The following DCBLD2 variants were observed in gnomAD, a reference collection of about 807,000 sequenced individuals.
DCBLD2 encodes the protein discoidin, CUB and LCCL domain containing 2.
DCBLD2 carries 54 observed loss-of-function variants against 86.8 expected under a neutral mutation model. The observed-to-expected ratio is 0.62, with a 90% CI of 0.50 to 0.78. The LOEUF (loss-of-function observed/expected upper bound fraction) is 0.78, where lower values mean the gene tolerates loss of function less well. DCBLD2 is among the 30% of genes least tolerant of loss of function. The probability of loss-of-function intolerance (pLI) is 0.00; values close to 1 mark genes in which losing one functional copy is unlikely to be tolerated. For missense variants in DCBLD2, 908 were observed against 954.2 expected (o/e 0.95, Z 0.64); for synonymous variants, 354 against 341.3 (o/e 1.04, Z -0.41).
intron 2 of DCBLD2, among the ~76,000 whole-genome samples, chr3:98,868,451 TTTA>T (rs1943199515): frequency 1.3e-5 from 2 of 152,258 alleles, no homozygotes; most frequent in South Asian, 4.1e-4. Context: ...CATGTTGAAA[TTTA>T]TTTATATATT....
intron 2 of DCBLD2, among the ~76,000 whole-genome samples, chr3:98,879,075 T>G (rs1438498255): frequency 6.6e-6 from 1 of 152,146 alleles, no homozygotes; most frequent in Non-Finnish European, 1.5e-5. Context: ...CACTATGTAT[T>G]ATCTAAATAT....
chr3:98,800,666 C>T lies in DCBLD2; in HGVS notation c.1771G>A (p.Glu591Lys). The change falls in exon 15 of 16, where the codon GAG becomes AAG. Residue 591 changes from glutamate (E) to lysine (K), a missense_variant. Glu to Lys is a moderately conservative substitution (Grantham distance 56). This residue lies in a region of DCBLD2 where 606 missense variants were observed against 678.5 expected (regional missense o/e 0.89). Coordinates refer to ENST00000326840, the MANE Select transcript of DCBLD2 (RefSeq NM_080927.4). Reference sequence around the variant, plus strand: ...CTGCTATAGCGAACTGGGGTTTCCTCATGGTCCACTGCTTTTGCAGGAAGA... The same window carrying T: ...CTGCTATAGCGAACTGGGGTTTCCTTATGGTCCACTGCTTTTGCAGGAAGA... Reference protein sequence around the residue: ...QFLPAKAVDHEETPVRYSSSE... With the variant: ...QFLPAKAVDHKETPVRYSSSE... 1.9e-6 allele frequency: 3 copies of T among 1,613,946 alleles called. No homozygotes were observed. The highest frequency in any genetic ancestry group is 1.7e-6 in the Non-Finnish European group (2 of 1,179,868).
At chr3:98,862,714 C>T (rs1008755184) in intron 2 of DCBLD2, among the ~76,000 whole-genome samples, 30 of 152,152 alleles carry the variant, frequency 2.0e-4, no homozygotes, top group African/African-American at 6.5e-4. Context: ...ATTGATGAGA[C>T]GTGTCTCAAA....
At chr3:98,881,254 CAAAAAAAAAAACA>C (rs1163223580) in intron 2 of DCBLD2, among the ~76,000 whole-genome samples, 3 of 59,786 alleles carry the variant, frequency 5.0e-5, no homozygotes, top group Admixed American at 1.8e-4. Context: ...GACTCTGTCT[CAAAAAAAAAAACA>C]AAAAAAAAAA....
chr3:98,839,171 C>CTTTTT (rs1339367166), intron 3 of DCBLD2, among the ~76,000 whole-genome samples: 1 of 48,282 alleles, frequency 2.1e-5, no homozygotes, highest in Non-Finnish European at 4.2e-5. Context: ...TTCTTTCTTT[C>CTTTTT]CTTTCTTTCT....
At chr3:98,901,068 A>T in intron 1 of DCBLD2, 54 bp downstream of exon 1, 1 of 1,535,022 alleles carries the variant, frequency 6.5e-7, no homozygotes. Flanking sequence ...GGGCCAAGAG[A>T]CCCGCAGCCC....
At chr3:98,832,729 A>AT (rs986852851) in intron 3 of DCBLD2, among the ~76,000 whole-genome samples, 2 of 151,956 alleles carry the variant, frequency 1.3e-5, no homozygotes, top group African/African-American at 2.4e-5. Context: ...ATTCTTGAAG[A>AT]TTTTTTTCCT....
Position 98,822,531 on chromosome 3 carries a change from A to C in DCBLD2, c.696+138T>G. On this transcript the variant is annotated intron_variant, in intron 5 of 15. Transcript: ENST00000326840. ...ACAACAGTTTTAGCAGAAGAAAAAGAATAAAACACATATGATTAAAAAATG... is the reference window on the plus strand; with the variant it reads ...ACAACAGTTTTAGCAGAAGAAAAAGCATAAAACACATATGATTAAAAAATG... 4 of 1,240,368 alleles carry C rather than the reference A, an allele frequency of 3.2e-6. No individual in the cohort carries two copies. In the South Asian group the frequency reaches 6.6e-5, roughly 21 times the overall value. 76.8% of individuals were successfully genotyped at this position (1,240,368 alleles called of 1,614,324 possible). A position where few individuals can be genotyped will look rare whatever the true frequency, so the allele number is the denominator to read the frequency against.
rs537660506 is a variant in DCBLD2, at chr3:98,867,236, C to T, written c.433+14304G>A. On this transcript the variant is annotated intron_variant, in intron 2 of 15. Transcript: ENST00000326840. ...AACTTTAAAGTAGTTTTTTCCAATT[C>T]TGTGAAGAAAGTCATTGGTAGCTTG... Among the ~76,000 whole-genome samples, 11 of 152,324 alleles carry T rather than the reference C, an allele frequency of 7.2e-5. No homozygotes were observed. The South Asian group carries it at 1.2e-3, about 17-fold the overall frequency.
At chr3:98,838,005 G>C (rs868062704) in intron 3 of DCBLD2, among the ~76,000 whole-genome samples, 16 of 68,874 alleles carry the variant, frequency 2.3e-4, no homozygotes, top group African/African-American at 7.3e-4. Flanking sequence ...GGGCAGAGGC[G>C]CCCCTCACCT....
chr3:98,840,780 C>G lies in DCBLD2; in HGVS notation c.571+8681G>C, dbSNP rs75795117. On this transcript the variant is annotated intron_variant, in intron 3 of 15. Transcript: ENST00000326840. ...CTGTTGAGAAGACATATGTGAGCCC[C>G]CATGCCTGTTATTTGCTACGTTTTA... Among the ~76,000 whole-genome samples the G allele has an allele frequency of 9.9e-4, 151 of 152,302 alleles. 1 individual carries two copies. In the East Asian group the frequency reaches 0.016, roughly 17 times the overall value.
rs536110933 is a variant in DCBLD2, at chr3:98,801,471, T to A, written c.1720+129A>T. The A allele has an allele frequency of 4.6e-4, 272 of 585,120 alleles. 3 individuals are homozygous for A. Among genetic ancestry groups the A allele is most frequent in the African/African-American group, 4.6e-3 (245 of 53,466 alleles). 36.2% of individuals were successfully genotyped at this position (585,120 alleles called of 1,614,324 possible). Reference sequence around the variant, plus strand: ...GGTAAAAATGGTGAGAACTGAAGAGTAATGCCATTGTTCTAACAGTGTCGG... The same window carrying A: ...GGTAAAAATGGTGAGAACTGAAGAGAAATGCCATTGTTCTAACAGTGTCGG... On this transcript the variant is annotated intron_variant, in intron 14 of 15. Transcript: ENST00000326840.
At position 98,808,175 on chromosome 3, in the gene DCBLD2, C is replaced by T; in HGVS notation, c.1577-1G>A. Reference sequence around the variant, plus strand: ...ACAAGAACTGCAGCCAGCGCTACATCTGAAGTTACAAAGACAAAAACAGAC... The same window carrying T: ...ACAAGAACTGCAGCCAGCGCTACATTTGAAGTTACAAAGACAAAAACAGAC... On this transcript the variant is annotated splice_acceptor_variant, in intron 12 of 15. Coordinates refer to ENST00000326840, the MANE Select transcript of DCBLD2 (RefSeq NM_080927.4). LOFTEE classifies it high-confidence loss of function. 1 of 1,593,476 alleles carries T rather than the reference C, an allele frequency of 6.3e-7. No homozygotes were observed. Among genetic ancestry groups the T allele is most frequent in the African/African-American group, 1.3e-5 (1 of 74,106 alleles).
chr3:98,838,166 C>T (rs372952865), intron 3 of DCBLD2, among the ~76,000 whole-genome samples: 1,672 of 109,332 alleles, frequency 0.015, no homozygotes, highest in South Asian at 0.035. Flanking sequence ...ACCTCCCTCC[C>T]GGACGGGGTG....
intron 2 of DCBLD2, among the ~76,000 whole-genome samples, chr3:98,855,362 T>C (rs1576183594): frequency 6.6e-6 from 1 of 152,174 alleles, no homozygotes; most frequent in African/African-American, 2.4e-5. Context: ...TCTTATACAC[T>C]GGTGGTGGGT....
Position 98,849,546 on chromosome 3 carries a change from G to A in DCBLD2, c.486C>T (p.Gly162=). The part of the protein sequence containing the change: ...LQMNHSIESK[G]NEITLLFMSG... ...TCATGAACAGCAATGTGATTTCATT[G>A]CCTTTTGATTCAATTGAATGGTTCA... Residue 162 remains glycine, a synonymous_variant, in exon 3 of 16, where the codon GGC becomes GGT. Transcript: ENST00000326840. 1 of 1,613,820 alleles carries A rather than the reference G, an allele frequency of 6.2e-7. No individual in the cohort carries two copies. The highest frequency in any genetic ancestry group is 8.5e-7 in the Non-Finnish European group (1 of 1,179,804).
chr3:98,871,099 G>A (rs1352424506), intron 2 of DCBLD2, among the ~76,000 whole-genome samples: 1 of 150,698 alleles, frequency 6.6e-6, no homozygotes, highest in Non-Finnish European at 1.5e-5. Flanking sequence ...GGTCATTATT[G>A]GTATATAGCA....
At position 98,887,828 on chromosome 3, in the gene DCBLD2, C is replaced by T. The variant is rs1943589000; in HGVS notation, c.206-6061G>A. ...ATTTGTTACAATTGATGAACCTACA[C>T]TGACACATTGTTATCACCCTGAGTC... On this transcript the variant is annotated intron_variant, in intron 1 of 15. Transcript: ENST00000326840. 3.3e-5 allele frequency among the ~76,000 whole-genome samples: 5 copies of T among 152,010 alleles called. 1 individual carries two copies. The South Asian group carries it at 1.0e-3, about 31-fold the overall frequency.
In DCBLD2 at chr3:98,901,222, G is replaced by A. The variant is rs1943843996; in HGVS notation, c.105C>T (p.Ser35=). ...PAWAALPLSR[S]LPPCSNSSSF... is the part of the protein sequence containing the mutation. ...AGGAGGAGTTGGAGCAGGGAGGGAG[G>A]GAGCGGGAGAGGGGGAGCGCGGCCC... Residue 35 remains serine, a synonymous_variant, in exon 1 of 16, where the codon TCC becomes TCT. Transcript: ENST00000326840. 6.5e-7 allele frequency: 1 copy of A among 1,535,512 alleles called. No individual in the cohort carries two copies. The highest frequency in any genetic ancestry group is 8.7e-7 in the Non-Finnish European group (1 of 1,146,478).
Sources: allele counts gnomAD v4.1 joint callset (sites outside exome capture counted in the v4.1 genomes callset), GRCh38; gene constraint gnomAD v4.1.1; regional missense constraint gnomAD v4.1.1; transcripts MANE v1.5; gene names NCBI Gene and HGNC (gene_info 2026-07-23, HGNC 2026-07-21).